Variants in DPP10 observed in about 807,000 individuals in gnomAD.
The protein encoded by DPP10 is dipeptidyl peptidase like 10.
In DPP10, 33 loss-of-function variants were observed where a neutral mutation model predicts 120.9. That is an observed-to-expected ratio of 0.27 (90% CI 0.21 to 0.37). DPP10 has a LOEUF of 0.37. Ranked by LOEUF, DPP10 falls within the 10% of genes least tolerant of loss-of-function variation. DPP10 has a pLI of 1.00. For missense variants in DPP10, 816 were observed against 942.8 expected (o/e 0.87, Z 1.76); for synonymous variants, 337 against 326.1 (o/e 1.03, Z -0.36).
At position 114,579,509 on chromosome 2, in the gene DPP10, T is replaced by C. The variant is rs535021138; in HGVS notation, c.60+136671T>C. On this transcript the variant is annotated intron_variant, in intron 1 of 25. Coordinates refer to ENST00000410059, the MANE Select transcript of DPP10 (RefSeq NM_020868.6). The stretch of plus-strand genomic sequence containing the variant: ...GATTCAGAGTTTAGAAATAAGTACC[T>C]TGACATTTTCAGCCCCTAAGAGAAC... 7.2e-5 allele frequency among the ~76,000 whole-genome samples: 11 copies of C among 152,328 alleles called. No homozygotes were observed. The South Asian group carries it at 2.3e-3, about 32-fold the overall frequency.
chr2:115,248,170 G>A (rs1182312432), intron 1 of DPP10, among the ~76,000 whole-genome samples: 2 of 152,180 alleles, frequency 1.3e-5, no homozygotes, highest in Non-Finnish European at 2.9e-5. Context: ...TGTTTTCAGT[G>A]TCTGATGGAT....
intron 1 of DPP10, among the ~76,000 whole-genome samples, chr2:114,694,936 A>G (rs1699982146): frequency 6.6e-6 from 1 of 151,998 alleles, no homozygotes; most frequent in African/African-American, 2.4e-5. Flanking sequence ...AAACTACATG[A>G]TATTTAATTT....
intron 1 of DPP10, among the ~76,000 whole-genome samples, chr2:115,271,783 G>A (rs34981498): frequency 0.027 from 4,097 of 152,228 alleles, 79 homozygotes; most frequent in Non-Finnish European, 0.042. Context: ...AATTCATAGT[G>A]TAGGTATTTT....
chr2:114,760,077 C>T (rs1038087918), intron 1 of DPP10, among the ~76,000 whole-genome samples: 1 of 152,212 alleles, frequency 6.6e-6, no homozygotes, highest in Non-Finnish European at 1.5e-5. Flanking sequence ...TCCATAAACG[C>T]TAATCCTGTA....
intron 1 of DPP10, among the ~76,000 whole-genome samples, chr2:115,239,759 C>A (rs955958874): frequency 6.6e-6 from 1 of 152,058 alleles, no homozygotes; most frequent in Non-Finnish European, 1.5e-5. Flanking sequence ...CCTAGCCCCC[C>A]ACCCTCCGAC....
At chr2:115,519,222 G>A (rs980866332) in intron 4 of DPP10, among the ~76,000 whole-genome samples, 8 of 151,928 alleles carry the variant, frequency 5.3e-5, no homozygotes, top group Non-Finnish European at 1.0e-4. Context: ...TTAGTGTATG[G>A]CCTATGATGT....
intron 1 of DPP10, among the ~76,000 whole-genome samples, chr2:115,241,395 CTTCT>C (rs1193202464): frequency 1.3e-5 from 2 of 152,154 alleles, no homozygotes; most frequent in Non-Finnish European, 2.9e-5. Flanking sequence ...TTTCTTGTAT[CTTCT>C]TTCTTTACTC....
intron 1 of DPP10, among the ~76,000 whole-genome samples, chr2:115,172,316 G>A (rs1385417915): frequency 2.6e-5 from 4 of 151,706 alleles, no homozygotes; most frequent in African/African-American, 4.8e-5. Flanking sequence ...CCCGAGAGGC[G>A]GAGCTTGCAG....
Position 114,442,838 on chromosome 2 carries a change from G to A in DPP10, c.60G>A (p.Lys20=). ...HIKCQPSKTI[K]ELGSNSPPQR... Reference sequence around the variant, plus strand: ...AGTGTCAACCCTCAAAAACAATCAAGGTAGGATCTGGTTTTTCCCTCTGCT... The same window carrying A: ...AGTGTCAACCCTCAAAAACAATCAAAGTAGGATCTGGTTTTTCCCTCTGCT... The change falls in exon 1 of 26, where the codon AAG becomes AAA. Residue 20 remains lysine, a splice_region_variant and synonymous_variant. Transcript: ENST00000410059. The A allele has an allele frequency of 6.2e-7, 1 of 1,613,200 alleles. No homozygotes were observed. The highest frequency in any genetic ancestry group is 8.5e-7 in the Non-Finnish European group (1 of 1,179,478).
intron 5 of DPP10, among the ~76,000 whole-genome samples, chr2:115,606,252 T>C (rs983480461): frequency 3.3e-5 from 5 of 152,150 alleles, no homozygotes; most frequent in African/African-American, 1.2e-4. Context: ...GTTCTTAAAA[T>C]CCTGCAGGGC....
intron 10 of DPP10, among the ~76,000 whole-genome samples, chr2:115,748,365 A>C (rs1480407882): frequency 6.6e-6 from 1 of 151,400 alleles, no homozygotes; most frequent in African/African-American, 2.4e-5. Context: ...TTTCTTTTTT[A>C]GTACTTTTTT....
At chr2:115,448,772 A>T (rs2072849329) in intron 3 of DPP10, among the ~76,000 whole-genome samples, 1 of 152,174 alleles carries the variant, frequency 6.6e-6, no homozygotes, top group South Asian at 2.1e-4. Context: ...ATTCCATTTC[A>T]TTCAGGGCTC....
chr2:114,556,708 G>A (rs991436721), intron 1 of DPP10, among the ~76,000 whole-genome samples: 5 of 152,138 alleles, frequency 3.3e-5, no homozygotes, highest in Non-Finnish European at 7.3e-5. Flanking sequence ...TGAAGACTGA[G>A]TTCTGGGACA....
At chr2:114,616,948 G>A (rs1019846506) in intron 1 of DPP10, among the ~76,000 whole-genome samples, 2 of 152,100 alleles carry the variant, frequency 1.3e-5, no homozygotes, top group African/African-American at 4.8e-5. Flanking sequence ...TGCCAAAAGT[G>A]ATTAACCTGA....
At chr2:115,206,755 G>C (rs1219725351) in intron 1 of DPP10, among the ~76,000 whole-genome samples, 3 of 152,166 alleles carry the variant, frequency 2.0e-5, no homozygotes, top group Non-Finnish European at 4.4e-5. Flanking sequence ...GGTACTGTAA[G>C]TGTATAATTA....
chr2:115,362,604 T>C (rs1227345199), intron 3 of DPP10, among the ~76,000 whole-genome samples: 1 of 152,212 alleles, frequency 6.6e-6, no homozygotes, highest in Non-Finnish European at 1.5e-5. Context: ...GATCATGTGA[T>C]AAAGATATAT....
At chr2:115,726,970 C>T (rs999666011) in intron 7 of DPP10, among the ~76,000 whole-genome samples, 2 of 152,072 alleles carry the variant, frequency 1.3e-5, no homozygotes, top group Non-Finnish European at 1.5e-5. Context: ...TTCCCCTAAC[C>T]AAAGAAACAT....
At chr2:115,753,622 C>A (rs1187614428) in intron 11 of DPP10, among the ~76,000 whole-genome samples, 1 of 152,054 alleles carries the variant, frequency 6.6e-6, no homozygotes, top group Non-Finnish European at 1.5e-5. Flanking sequence ...CTTTGATTAT[C>A]TTGAGAATAT....
At chr2:114,940,496 T>G (rs1284921025) in intron 1 of DPP10, among the ~76,000 whole-genome samples, 2 of 151,778 alleles carry the variant, frequency 1.3e-5, no homozygotes, top group Non-Finnish European at 2.9e-5. Context: ...GCTAGAGTAG[T>G]TAGTGTTGTG....
Sources: gnomAD v4.1 joint callset for allele counts (sites outside exome capture counted in the v4.1 genomes callset) on GRCh38, gnomAD v4.1.1 for gene constraint, MANE v1.5 for transcripts, NCBI Gene and HGNC (gene_info 2026-07-23, HGNC 2026-07-21) for gene names.